AMOTL1: variants seen among roughly 807,000 people sequenced by gnomAD.
The protein encoded by AMOTL1 is angiomotin like 1, also known as angiomotin-like protein 1.
In AMOTL1, 45 loss-of-function variants were observed where a neutral mutation model predicts 102.9. The observed-to-expected ratio is 0.44, with a 90% CI of 0.34 to 0.56. The LOEUF (loss-of-function observed/expected upper bound fraction) is 0.56, where lower values mean the gene tolerates loss of function less well. Among genes scored for constraint, AMOTL1 ranks in the 20% least tolerant of loss-of-function variants. AMOTL1 has a pLI of 0.01. For synonymous variants in AMOTL1, 481 were observed against 484.7 expected (o/e 0.99, Z 0.10); for missense variants, 1,114 against 1,225.6 (o/e 0.91, Z 1.36).
At chr11:94,762,647 G>T (rs75493424) in intron 3 of AMOTL1, among the ~76,000 whole-genome samples, 1 of 152,108 alleles carries the variant, frequency 6.6e-6, no homozygotes, top group Non-Finnish European at 1.5e-5. Flanking sequence ...CTCCATGTCG[G>T]AATCTTTATA....
chr11:94,721,218 C>T (rs1310731298), intron 1 of AMOTL1, among the ~76,000 whole-genome samples: 1 of 151,942 alleles, frequency 6.6e-6, no homozygotes, highest in East Asian at 1.9e-4. Flanking sequence ...GGACATGTGG[C>T]ATAAGTGAAA....
At chr11:94,740,425 C>T (rs1950502355) in intron 2 of AMOTL1, 1 of 152,108 alleles carries the variant, frequency 6.6e-6, no homozygotes, top group Non-Finnish European at 1.5e-5. Flanking sequence ...CCGCGCGCGC[C>T]TCTGCGGAGC....
intron 6 of AMOTL1, among the ~76,000 whole-genome samples, chr11:94,843,236 C>T (rs1592025130): frequency 1.3e-5 from 2 of 152,200 alleles, no homozygotes; most frequent in South Asian, 2.1e-4. Context: ...AAAAGTAGAT[C>T]GTGTTTCATG....
At chr11:94,741,050 T>TG (rs1950517369) in intron 3 of AMOTL1, 3 of 1,248,828 alleles carry the variant, frequency 2.4e-6, no homozygotes, top group Non-Finnish European at 3.2e-6. Flanking sequence ...ACTGCGAGTT[T>TG]GGGGGGCGTC....
exon 2 of AMOTL1, chr11:94,728,976 C>T: frequency 7.8e-7 from 1 of 1,289,006 alleles, no homozygotes. Flanking sequence ...GAAGCATGGA[C>T]CTCAGTGAAA....
intron 1 of AMOTL1, among the ~76,000 whole-genome samples, chr11:94,716,906 T>C (rs1231334077): frequency 3.3e-5 from 5 of 152,102 alleles, no homozygotes; most frequent in Non-Finnish European, 5.9e-5. Context: ...GGCAGATCAG[T>C]CTCTTGGTCC....
intron 1 of AMOTL1, among the ~76,000 whole-genome samples, chr11:94,771,259 T>G (rs867647674): frequency 4.2e-3 from 404 of 96,800 alleles, no homozygotes; most frequent in Non-Finnish European, 5.7e-3. Flanking sequence ...TTGGCGGGGT[T>G]GGGGGGGGGG....
chr11:94,744,677 A>G (rs1056077444), intron 3 of AMOTL1, among the ~76,000 whole-genome samples: 5 of 152,088 alleles, frequency 3.3e-5, no homozygotes, highest in Non-Finnish European at 7.4e-5. Context: ...TGTAAGCACT[A>G]TTTATTTCTG....
intron 4 of AMOTL1, among the ~76,000 whole-genome samples, chr11:94,826,842 C>T (rs1302928798): frequency 6.6e-6 from 1 of 152,198 alleles, no homozygotes. Flanking sequence ...TTACAGCTAT[C>T]AGTTCTCATA....
At chr11:94,826,952 T>A (rs759580071) in intron 4 of AMOTL1, among the ~76,000 whole-genome samples, 1 of 152,206 alleles carries the variant, frequency 6.6e-6, no homozygotes, top group Non-Finnish European at 1.5e-5. Context: ...GGATTTGAGA[T>A]AGTAAACTAT....
At chr11:94,785,921 A>G (rs546335410) in intron 1 of AMOTL1, among the ~76,000 whole-genome samples, 1 of 152,310 alleles carries the variant, frequency 6.6e-6, no homozygotes, top group South Asian at 2.1e-4. Flanking sequence ...ATTGAGTATT[A>G]CATGCTGGTA....
chr11:94,869,275 T>C lies in AMOTL1; in HGVS notation c.2566T>C (p.Ser856Pro). 1 of 1,612,768 alleles carries C rather than the reference T, an allele frequency of 6.2e-7. No individual in the cohort carries two copies. Among genetic ancestry groups the C allele is most frequent in the Non-Finnish European group, 8.5e-7 (1 of 1,179,458 alleles). ...ACCCCCACCCACCTCAGCACTGTCC[T>C]CCATAGCCTCCACTACGGCAGCCAG... ...LPPPPTSALS[S>P]IASTTAASSA... Residue 856 changes from serine to proline, a missense_variant, in exon 12 of 13, where the codon TCC (serine) becomes CCC (proline). Coordinates refer to ENST00000433060, the MANE Select transcript of AMOTL1 (RefSeq NM_130847.3).
chr11:94,839,847 T>C (rs909113816), intron 6 of AMOTL1, among the ~76,000 whole-genome samples: 4 of 152,246 alleles, frequency 2.6e-5, no homozygotes, highest in Non-Finnish European at 5.9e-5. Context: ...AAAATTTTTA[T>C]ACTAGAAGTC....
chr11:94,784,299 G>A (rs185710431), intron 1 of AMOTL1, among the ~76,000 whole-genome samples: 66 of 152,200 alleles, frequency 4.3e-4, no homozygotes, highest in African/African-American at 1.5e-3. Context: ...TTGAGTTTCA[G>A]ATTTATCAAG....
chr11:94,849,270 A>T (rs556097376), intron 6 of AMOTL1, among the ~76,000 whole-genome samples: 1 of 152,156 alleles, frequency 6.6e-6, no homozygotes, highest in East Asian at 1.9e-4. Context: ...TGTTTGTTCA[A>T]TTTTCCATAT....
At chr11:94,857,322 G>C (rs570802368) in intron 8 of AMOTL1, among the ~76,000 whole-genome samples, 2 of 152,172 alleles carry the variant, frequency 1.3e-5, no homozygotes, top group African/African-American at 4.8e-5. Flanking sequence ...TAGGGCATTC[G>C]TAGGTACCCT....
chr11:94,726,295 C>A (rs1950256535), intron 1 of AMOTL1, among the ~76,000 whole-genome samples: 1 of 152,180 alleles, frequency 6.6e-6, no homozygotes, highest in African/African-American at 2.4e-5. Flanking sequence ...GTACACAAAT[C>A]TCCTTTGAGA....
At chr11:94,707,962 C>G (rs957467344) in intron 1 of AMOTL1, among the ~76,000 whole-genome samples, 13 of 152,134 alleles carry the variant, frequency 8.5e-5, no homozygotes, top group African/African-American at 2.4e-4. Flanking sequence ...CCAGTCTTAC[C>G]TCCCAGCAGC....
chr11:94,727,454 A>C (rs2135453723), intron 1 of AMOTL1, among the ~76,000 whole-genome samples: 1 of 152,282 alleles, frequency 6.6e-6, no homozygotes, highest in Admixed American at 6.5e-5. Context: ...TTCTAGCCTC[A>C]ATCAGCCACC....
Sources: allele counts gnomAD v4.1 joint callset (sites outside exome capture counted in the v4.1 genomes callset), GRCh38; gene constraint gnomAD v4.1.1; transcripts MANE v1.5; gene names NCBI Gene and HGNC (gene_info 2026-07-23, HGNC 2026-07-21).